Variants in FERRY3 observed in about 807,000 individuals in gnomAD.
The protein encoded by FERRY3 is FERRY endosomal RAB5 effector complex subunit 3.
At chr12:4,535,472 T>C in the FERRY3 span, among the ~76,000 whole-genome samples, 1 of 152,250 alleles carries the variant, frequency 6.6e-6, no homozygotes, top group African/African-American at 2.4e-5. This position sits in a 1 kb window ranked among gnomAD's most constrained non-coding sequence, Gnocchi z 4.0. Context: ...AGTTTCTAGG[T>C]TCTCTTATAA....
the FERRY3 span, chr12:4,488,241 G>A: frequency 6.6e-6 from 1 of 152,242 alleles, no homozygotes; most frequent in South Asian, 2.1e-4. The surrounding 1 kb of genome is among the most constrained non-coding windows in gnomAD (Gnocchi z 4.9). Context: ...GGTGACAAAG[G>A]AAGAGTTGGG....
the FERRY3 span, among the ~76,000 whole-genome samples, chr12:4,509,878 A>G: frequency 2.1e-5 from 3 of 139,798 alleles, 1 homozygote; most frequent in African/African-American, 9.5e-5. Context: ...CTCACCAGCA[A>G]TGGAACAAAG....
the FERRY3 span, chr12:4,517,040 A>G: frequency 1.3e-6 from 2 of 1,512,180 alleles, no homozygotes; most frequent in Non-Finnish European, 1.8e-6. Context: ...ACAGAATATA[A>G]TAAAAGTGAG....
At chr12:4,498,508 TAA>T in the FERRY3 span, among the ~76,000 whole-genome samples, 1 of 152,210 alleles carries the variant, frequency 6.6e-6, no homozygotes, top group Admixed American at 6.5e-5. Flanking sequence ...GAGAAATTAG[TAA>T]GTCTGATGAA....
At chr12:4,510,220 A>G in the FERRY3 span, among the ~76,000 whole-genome samples, 2 of 147,634 alleles carry the variant, frequency 1.4e-5, no homozygotes, top group Admixed American at 1.3e-4. Flanking sequence ...AAATGAGCAA[A>G]GCCTCCAAGA....
the FERRY3 span, among the ~76,000 whole-genome samples, chr12:4,513,366 C>T: frequency 2.0e-5 from 3 of 152,164 alleles, no homozygotes; most frequent in Non-Finnish European, 4.4e-5. Context: ...CTACCAATGA[C>T]TTTCTTCACA....
chr12:4,513,386 A>G, the FERRY3 span, among the ~76,000 whole-genome samples: 1 of 152,092 alleles, frequency 6.6e-6, no homozygotes, highest in Non-Finnish European at 1.5e-5. Flanking sequence ...AGAATTGGAA[A>G]AAACTACTTT....
the FERRY3 span, chr12:4,505,486 C>T: frequency 6.9e-6 from 5 of 727,298 alleles, no homozygotes; most frequent in Non-Finnish European, 9.4e-6. Flanking sequence ...TCACTAAGGG[C>T]ATCTATGTGC....
chr12:4,524,350 TG>T, the FERRY3 span, among the ~76,000 whole-genome samples: 3 of 152,006 alleles, frequency 2.0e-5, no homozygotes, highest in Non-Finnish European at 4.4e-5. Flanking sequence ...GTAAGGCAAA[TG>T]AAAAACTGTA....
At chr12:4,537,058 C>G in the FERRY3 span, among the ~76,000 whole-genome samples, 1 of 152,200 alleles carries the variant, frequency 6.6e-6, no homozygotes, top group Non-Finnish European at 1.5e-5. Flanking sequence ...AACACCCCTG[C>G]TTATATTTCC....
chr12:4,500,181 G>T, the FERRY3 span: 1 of 1,614,012 alleles, frequency 6.2e-7, no homozygotes, highest in South Asian at 1.1e-5. Context: ...GCTTATTGTT[G>T]TGATGTCATG....
chr12:4,525,597 A>T, the FERRY3 span: 1 of 1,575,372 alleles, frequency 6.3e-7, no homozygotes. Context: ...AAACACAAAT[A>T]AACAAATCAG....
chr12:4,529,927 C>G, the FERRY3 span: 1 of 1,613,274 alleles, frequency 6.2e-7, no homozygotes. Flanking sequence ...GAGATACTAA[C>G]AAAGTAATTA....
chr12:4,505,337 AT>A, the FERRY3 span: 2 of 1,606,074 alleles, frequency 1.2e-6, no homozygotes, highest in Non-Finnish European at 1.7e-6. Flanking sequence ...TCCTCTCAGC[AT>A]TCTTAGTCTT....
chr12:4,526,960 G>A, the FERRY3 span, among the ~76,000 whole-genome samples: 1 of 152,098 alleles, frequency 6.6e-6, no homozygotes, highest in African/African-American at 2.4e-5. Context: ...CCTTCTGGTA[G>A]TAAATATTCA....
the FERRY3 span, chr12:4,500,070 T>G: frequency 7.0e-7 from 1 of 1,419,180 alleles, no homozygotes; most frequent in Non-Finnish European, 9.9e-7. Context: ...TATTATATAA[T>G]ATTGGGGGTT....
At chr12:4,504,937 T>A in the FERRY3 span, among the ~76,000 whole-genome samples, 1 of 152,102 alleles carries the variant, frequency 6.6e-6, no homozygotes, top group African/African-American at 2.4e-5. Context: ...ATACCATCTC[T>A]ACAAAAAATA....
the FERRY3 span, chr12:4,536,006 A>G: frequency 6.6e-7 from 1 of 1,518,032 alleles, no homozygotes; most frequent in Admixed American, 2.4e-5. Context: ...AAAAAAAAAA[A>G]CAGTCCTCAC....
the FERRY3 span, among the ~76,000 whole-genome samples, chr12:4,531,136 C>A: frequency 6.6e-6 from 1 of 152,160 alleles, no homozygotes; most frequent in African/African-American, 2.4e-5. Flanking sequence ...CTAATTTGTT[C>A]TCTTTCACTT....
Sources: gnomAD v4.1 joint callset for allele counts (sites outside exome capture counted in the v4.1 genomes callset) on GRCh38, gnomAD v4.1.1 for gene constraint, Gnocchi (gnomAD v3.1) non-coding constraint, MANE v1.5 for transcripts, NCBI Gene and HGNC (gene_info 2026-07-23, HGNC 2026-07-21) for gene names.